ANOS1: variants seen among roughly 807,000 people sequenced by gnomAD.
ANOS1 encodes anosmin-1.
A neutral mutation model predicts 59.0 loss-of-function variants in ANOS1; 6 were observed. That is an observed-to-expected ratio of 0.10 (90% confidence interval 0.06 to 0.20). The LOEUF (loss-of-function observed/expected upper bound fraction) is 0.20, where lower values mean the gene tolerates loss of function less well. Ranked by LOEUF, ANOS1 falls within the 10% of genes least tolerant of loss-of-function variation. ANOS1 has a pLI of 1.00. For missense variants in ANOS1, 433 were observed against 542.3 expected (o/e 0.80, Z 2.00); for synonymous variants, 217 against 223.4 (o/e 0.97, Z 0.25).
Position 8,664,415 on chromosome X carries a change from A to C in ANOS1, c.255+35283T>G, listed in dbSNP as rs369351213. ...TCACCATGTTAGCCAGGATGGTCTC[A>C]ATCTCCTGACCTCGTGATCCGCCCA... On this transcript the variant is annotated intron_variant, in intron 2 of 13. Coordinates refer to ENST00000262648, the MANE Select transcript of ANOS1 (RefSeq NM_000216.4). 1.2e-4 allele frequency among the ~76,000 whole-genome samples: 13 copies of C among 109,797 alleles called. 1 individual carries two copies. Among genetic ancestry groups the C allele is most frequent in the Middle Eastern group, 9.3e-3 (2 of 215 alleles).
At chrX:8,546,386 A>C (rs5978248) in intron 9 of ANOS1, among the ~76,000 whole-genome samples, 5,808 of 112,448 alleles carry the variant, frequency 0.052, 354 homozygotes, top group African/African-American at 0.18. Flanking sequence ...GCTCTGCTAC[A>C]ATTTATATGT....
chrX:8,655,054 A>G (rs1196551468), intron 2 of ANOS1, among the ~76,000 whole-genome samples: 2 of 110,461 alleles, frequency 1.8e-5, no homozygotes, highest in East Asian at 5.7e-4. Context: ...TTTTTTTTCC[A>G]TGGACTGGGT....
At chrX:8,609,228 A>G (rs1476063407) in intron 3 of ANOS1, among the ~76,000 whole-genome samples, 4 of 111,912 alleles carry the variant, frequency 3.6e-5, no homozygotes, top group African/African-American at 1.3e-4. Context: ...GGCATGGCAC[A>G]TTTCTAAATT....
At chrX:8,614,875 T>TA (rs1246896411) in intron 3 of ANOS1, among the ~76,000 whole-genome samples, 2 of 108,022 alleles carry the variant, frequency 1.9e-5, no homozygotes, top group African/African-American at 6.7e-5. Context: ...AAGAAAAATA[T>TA]AAAAAAATTT....
chrX:8,690,272 T>C (rs1453510058), intron 2 of ANOS1, among the ~76,000 whole-genome samples: 3 of 112,362 alleles, frequency 2.7e-5, no homozygotes, highest in Admixed American at 9.5e-5. Context: ...CCTGAAATCA[T>C]TGTCAAACGT....
intron 4 of ANOS1, among the ~76,000 whole-genome samples, chrX:8,588,828 A>T (rs2146820277): frequency 8.9e-6 from 1 of 112,635 alleles, no homozygotes; most frequent in African/African-American, 3.2e-5. Flanking sequence ...TTGTAATACT[A>T]ATAGAATATG....
At position 8,605,087 on chromosome X, in the gene ANOS1, G is replaced by C. The variant is rs75557283; in HGVS notation, c.319-7831C>G. 9.8e-5 allele frequency among the ~76,000 whole-genome samples: 11 copies of C among 112,235 alleles called. 1 individual carries two copies. In the East Asian group the frequency reaches 2.8e-3, roughly 29 times the overall value. On this transcript the variant is annotated intron_variant, in intron 3 of 13. Coordinates refer to ENST00000262648, the MANE Select transcript of ANOS1 (RefSeq NM_000216.4). ...AGAAAATGTTAAGATTAAATGTTAA[G>C]ATTAAACAAAAAAGCAACCTACACA...
chrX:8,598,741 T>G (rs1443756540), intron 3 of ANOS1, among the ~76,000 whole-genome samples: 1 of 112,410 alleles, frequency 8.9e-6, no homozygotes, highest in African/African-American at 3.2e-5. Context: ...GAAGTCTGCT[T>G]GAATGTTTAA....
At chrX:8,675,590 T>C (rs1478234349) in intron 2 of ANOS1, among the ~76,000 whole-genome samples, 1 of 111,465 alleles carries the variant, frequency 9.0e-6, no homozygotes, top group Non-Finnish European at 1.9e-5. Context: ...AAGAAGACCA[T>C]TTCATGCGTC....
At chrX:8,551,145 C>T (rs1929849870) in intron 9 of ANOS1, among the ~76,000 whole-genome samples, 3 of 111,779 alleles carry the variant, frequency 2.7e-5, no homozygotes, top group African/African-American at 9.8e-5. Context: ...GTCCATTAAA[C>T]CTCTTTTTCC....
chrX:8,641,638 T>C, intron 2 of ANOS1, among the ~76,000 whole-genome samples: 1 of 112,163 alleles, frequency 8.9e-6, no homozygotes, highest in Non-Finnish European at 1.9e-5. Context: ...GAAGTCTTCA[T>C]GGATTTCTTA....
At chrX:8,587,362 T>C (rs1451171808) in intron 5 of ANOS1, among the ~76,000 whole-genome samples, 1 of 111,237 alleles carries the variant, frequency 9.0e-6, no homozygotes, top group African/African-American at 3.3e-5. Context: ...ACAAATCTTA[T>C]GCCATGCTCC....
chrX:8,618,899 C>G (rs1249080161), intron 3 of ANOS1, among the ~76,000 whole-genome samples: 1 of 108,202 alleles, frequency 9.2e-6, no homozygotes, highest in East Asian at 2.9e-4. Flanking sequence ...GGGGGAAACC[C>G]CATCTCTACT....
intron 3 of ANOS1, among the ~76,000 whole-genome samples, chrX:8,620,122 TA>T (rs201519236): frequency 0.15 from 16,204 of 111,089 alleles, 1,102 homozygotes; most frequent in Admixed American, 0.23. Flanking sequence ...GAGCAGGAAT[TA>T]AAAAACTTTT....
At chrX:8,731,807 C>A (rs1412281828) in intron 1 of ANOS1, 23 bp downstream of exon 1, 1 of 1,176,586 alleles carries the variant, frequency 8.5e-7, no homozygotes, top group Non-Finnish European at 1.1e-6. Context: ...CCAGAAAGAA[C>A]CCGGGCGGGG....
At chrX:8,600,973 G>A (rs1208295586) in intron 3 of ANOS1, among the ~76,000 whole-genome samples, 1 of 110,810 alleles carries the variant, frequency 9.0e-6, no homozygotes, top group Middle Eastern at 4.8e-3. Flanking sequence ...GGTGGATCAC[G>A]AGGTCAGGAG....
Position 8,570,598 on chromosome X carries a change from C to A in ANOS1, c.963G>T (p.Pro321=). ...VTIVWDLPEE[P]DIPVHHYKVF... ...CCTTGTAATGATGCACAGGGATGTC[C>A]GGCTCCTCGGGGAGATCCCAAACTA... The change falls in exon 7 of 14, where the codon CCG becomes CCT. Residue 321 remains proline, a synonymous_variant. Transcript: ENST00000262648. 8.3e-7 allele frequency: 1 copy of A among 1,210,526 alleles called. No homozygotes were observed. Among genetic ancestry groups the A allele is most frequent in the Non-Finnish European group, 1.1e-6 (1 of 894,638 alleles).
At chrX:8,646,802 G>A (rs1335413445) in intron 2 of ANOS1, among the ~76,000 whole-genome samples, 1 of 108,521 alleles carries the variant, frequency 9.2e-6, no homozygotes, top group African/African-American at 3.4e-5. Context: ...GCGTGGTGGT[G>A]CACGCCTGTA....
intron 2 of ANOS1, among the ~76,000 whole-genome samples, chrX:8,680,444 AATG>A (rs1158181846): frequency 8.9e-6 from 1 of 111,748 alleles, no homozygotes; most frequent in Admixed American, 9.5e-5. Flanking sequence ...AACATATTTC[AATG>A]ATATTTCTTC....
Sources: allele counts gnomAD v4.1 joint callset (sites outside exome capture counted in the v4.1 genomes callset), GRCh38; gene constraint gnomAD v4.1.1; transcripts MANE v1.5; gene names NCBI Gene and HGNC (gene_info 2026-07-23, HGNC 2026-07-21).